Variants in PXDN observed in about 807,000 individuals in gnomAD.
PXDN encodes the protein peroxidasin homolog.
In PXDN, 77 loss-of-function variants were observed where a neutral mutation model predicts 140.3. The ratio of observed to expected loss-of-function variants is 0.55; its 90% confidence interval spans 0.46 to 0.66. PXDN has a LOEUF of 0.66. PXDN is among the 30% of genes least tolerant of loss of function. The pLI is 0.00. For missense variants in PXDN, 1,838 were observed against 2,039.5 expected (o/e 0.90, Z 1.90); for synonymous variants, 911 against 857.4 (o/e 1.06, Z -1.09).
chr2:1,707,044 G>C (rs113094367), intron 1 of PXDN, among the ~76,000 whole-genome samples: 87 of 120,576 alleles, frequency 7.2e-4, no homozygotes, highest in Non-Finnish European at 9.4e-4. Context: ...GCATGCTTCA[G>C]TGTTCAGCGA....
chr2:1,740,642 G>A (rs763370554), intron 1 of PXDN, among the ~76,000 whole-genome samples: 7 of 151,718 alleles, frequency 4.6e-5, no homozygotes, highest in East Asian at 2.0e-4. Context: ...CCCATACCCC[G>A]TCCCACCAGG....
intron 15 of PXDN, 196 bp from the exon 16 acceptor site, chr2:1,653,981 C>T (rs1558491932): frequency 1.6e-6 from 1 of 613,948 alleles, no homozygotes; most frequent in Admixed American, 3.5e-5. Flanking sequence ...CCGGAAGACA[C>T]TAAAAACAAA....
intron 3 of PXDN, among the ~76,000 whole-genome samples, chr2:1,690,192 A>C (rs1228439753): frequency 6.6e-6 from 1 of 152,158 alleles, no homozygotes; most frequent in Non-Finnish European, 1.5e-5. Flanking sequence ...GCCTCTCTGG[A>C]CAGCTTCCCT....
chr2:1,720,809 C>T (rs1466330383), intron 1 of PXDN, among the ~76,000 whole-genome samples: 5 of 152,218 alleles, frequency 3.3e-5, no homozygotes, highest in Admixed American at 6.5e-5. Flanking sequence ...ACCCAGTGTT[C>T]GCAATGTGTG....
chr2:1,662,959 C>T (rs1057216854), intron 12 of PXDN, among the ~76,000 whole-genome samples: 4 of 152,190 alleles, frequency 2.6e-5, no homozygotes, highest in Non-Finnish European at 5.9e-5. Context: ...GCTCTGGGGG[C>T]CACTCATGCT....
chr2:1,721,654 G>A (rs1420029527), intron 1 of PXDN, among the ~76,000 whole-genome samples: 1 of 152,180 alleles, frequency 6.6e-6, no homozygotes, highest in Non-Finnish European at 1.5e-5. Context: ...GGCTAACACA[G>A]TGAAACCCCG....
intron 1 of PXDN, among the ~76,000 whole-genome samples, chr2:1,729,758 TAGAC>T (rs1433174532): frequency 6.6e-6 from 1 of 152,200 alleles, no homozygotes; most frequent in Non-Finnish European, 1.5e-5. Context: ...AAAAACAATC[TAGAC>T]AGACACACAC....
rs1487308640 is a variant in PXDN, at chr2:1,693,454, C to A, written c.201-320G>T. ...TCGATAAGTCTTAGGATAATAAACACAGGTTAGGTTTGATGACATTCAAGA... is the reference window on the plus strand; with the variant it reads ...TCGATAAGTCTTAGGATAATAAACAAAGGTTAGGTTTGATGACATTCAAGA... On this transcript the variant is annotated intron_variant, in intron 1 of 22. Transcript: ENST00000252804. Among the ~76,000 whole-genome samples the A allele has an allele frequency of 2.0e-5, 3 of 152,210 alleles. No individual in the cohort carries two copies. In the South Asian group the frequency reaches 6.2e-4, roughly 32 times the overall value.
chr2:1,649,040 TG>T lies in PXDN; in HGVS notation c.2739del (p.Asn914ThrfsTer71). 6.2e-7 allele frequency: 1 copy of T among 1,612,626 alleles called. No homozygotes were observed. The highest frequency in any genetic ancestry group is 8.5e-7 in the Non-Finnish European group (1 of 1,179,722). The stretch of plus-strand genomic sequence containing the variant: ...TCATGCTCCGTGCTCCCGTACACGT[TG>T]GATGCGTCTATGTAGGAGGTGAGCT... ...INQLTSYIDA[S>X]NVYGSTEHEA... On this transcript the variant is annotated frameshift_variant, in exon 17 of 23. Coordinates refer to ENST00000252804, the MANE Select transcript of PXDN (RefSeq NM_012293.3). LOFTEE classifies it high-confidence loss of function. This position sits in a 1 kb window ranked among gnomAD's most constrained non-coding sequence, Gnocchi z 7.1.
chr2:1,701,795 T>C (rs922424370), intron 1 of PXDN, among the ~76,000 whole-genome samples: 7 of 152,262 alleles, frequency 4.6e-5, no homozygotes, highest in African/African-American at 1.4e-4. Context: ...GAGGAGGCTA[T>C]GGCGGTGGTG....
rs1041475426 is a variant in PXDN, at chr2:1,639,185, C to G, written c.4073+117G>C. ...CGGCCTGGCCCCCAGTGCCCTGGGA[C>G]GTCCCTGCCAGGAACCATCCTCGCC... On this transcript the variant is annotated intron_variant, in intron 20 of 22. Transcript: ENST00000252804. The surrounding 1 kb of genome is among the most constrained non-coding windows in gnomAD (Gnocchi z 5.0). 2 of 1,501,570 alleles carry G rather than the reference C, an allele frequency of 1.3e-6. No individual in the cohort carries two copies. The highest frequency in any genetic ancestry group is 2.0e-5 in the Admixed American group (1 of 49,638). 93.0% of individuals were successfully genotyped at this position (1,501,570 alleles called of 1,614,324 possible).
At chr2:1,712,607 G>A (rs1323335829) in intron 1 of PXDN, among the ~76,000 whole-genome samples, 3 of 152,344 alleles carry the variant, frequency 2.0e-5, no homozygotes, top group South Asian at 2.1e-4. Flanking sequence ...CCCCAGGGAC[G>A]GCCTGAAGTA....
chr2:1,670,455 G>T, intron 9 of PXDN, among the ~76,000 whole-genome samples: 1 of 152,192 alleles, frequency 6.6e-6, no homozygotes, highest in East Asian at 1.9e-4. Flanking sequence ...AAGAGGGGAA[G>T]GGAATAGGAG....
At position 1,673,783 on chromosome 2, in the gene PXDN, C is replaced by T. The variant is rs758869617; in HGVS notation, c.878G>A (p.Arg293His). Residue 293 changes from arginine to histidine, a missense_variant, in exon 9 of 23, where the codon CGC (arginine) becomes CAC (histidine). Physicochemically the swap from Arg to His is conservative, Grantham distance 29. Coordinates refer to ENST00000252804, the MANE Select transcript of PXDN (RefSeq NM_012293.3). ...NNELSMKTDS[R>H]LNLLDDGTLM... is the part of the protein sequence containing the mutation. ...GGTCCCATCGTCCAGCAAGTTTAGG[C>T]GGGAATCTGTCTTCATGCTCAGCTC... is the stretch of plus-strand genomic sequence containing the variant. 2 of 1,613,926 alleles carry T rather than the reference C, an allele frequency of 1.2e-6. No homozygotes were observed. Among genetic ancestry groups the T allele is most frequent in the Non-Finnish European group, 1.7e-6 (2 of 1,179,868 alleles).
In PXDN at chr2:1,665,076, T is replaced by G; in HGVS notation, c.1292-2A>C. 1 of 1,587,190 alleles carries G rather than the reference T, an allele frequency of 6.3e-7. No homozygotes were observed. On this transcript the variant is annotated splice_acceptor_variant, in intron 10 of 22. Coordinates refer to ENST00000252804, the MANE Select transcript of PXDN (RefSeq NM_012293.3). LOFTEE classifies it high-confidence loss of function. ...GCGTCACAGTGAACTGAGGAAGAGC[T>G]TCCGGAGAGAAAGCATTCAAAACAG... is the stretch of plus-strand genomic sequence containing the variant.
chr2:1,683,323 G>C (rs1683959933), intron 6 of PXDN, among the ~76,000 whole-genome samples: 1 of 152,022 alleles, frequency 6.6e-6, no homozygotes, highest in Non-Finnish European at 1.5e-5. Flanking sequence ...CAGCTCTTTG[G>C]GAGAATTGCT....
At position 1,648,670 on chromosome 2, in the gene PXDN, T is replaced by C. The variant is rs775786945; in HGVS notation, c.3110A>G (p.Lys1037Arg). ...QHITYQHWLPKILGEVGMRTL... is the reference protein window; with the variant it reads ...QHITYQHWLPRILGEVGMRTL... ...CCTCATGCCCACCTCCCCCAGGATCTTCGGGAGCCAGTGCTGGTAGGTGAT... is the reference window on the plus strand; with the variant it reads ...CCTCATGCCCACCTCCCCCAGGATCCTCGGGAGCCAGTGCTGGTAGGTGAT... Residue 1037 changes from lysine to arginine, a missense_variant, in exon 17 of 23, where the codon AAG becomes AGG. Coordinates refer to ENST00000252804, the MANE Select transcript of PXDN (RefSeq NM_012293.3). This position sits in a 1 kb window ranked among gnomAD's most constrained non-coding sequence, Gnocchi z 8.9. The C allele has an allele frequency of 6.2e-7, 1 of 1,608,736 alleles. No homozygotes were observed. Among genetic ancestry groups the C allele is most frequent in the African/African-American group, 1.3e-5 (1 of 74,700 alleles).
At chr2:1,641,072 C>T (rs1682716997) in intron 19 of PXDN, among the ~76,000 whole-genome samples, 1 of 152,238 alleles carries the variant, frequency 6.6e-6, no homozygotes. Context: ...GTGCAGACCC[C>T]ACACAGCACT....
At chr2:1,653,885 C>A in intron 15 of PXDN, 100 bp from the exon 16 acceptor site, 1 of 1,326,858 alleles carries the variant, frequency 7.5e-7, no homozygotes, top group South Asian at 1.5e-5. Flanking sequence ...AATATTTCTA[C>A]GGCTACTTTC....
Sources: gnomAD v4.1 joint callset for allele counts (sites outside exome capture counted in the v4.1 genomes callset) on GRCh38, gnomAD v4.1.1 for gene constraint, Gnocchi (gnomAD v3.1) non-coding constraint, MANE v1.5 for transcripts, NCBI Gene and HGNC (gene_info 2026-07-23, HGNC 2026-07-21) for gene names.